Variants in LYPLAL1 observed in about 807,000 individuals in gnomAD.
LYPLAL1 encodes lysophospholipase-like protein 1.
Under a neutral mutation model 19.7 loss-of-function variants are expected in LYPLAL1, and 23 were observed. The ratio of observed to expected loss-of-function variants is 1.17; its 90% CI spans 0.84 to 1.65. LYPLAL1 has a LOEUF of 1.65. LYPLAL1 is among the 40% of genes most tolerant of loss of function. LYPLAL1 has a pLI of 0.00. For missense variants in LYPLAL1, 355 were observed against 279.4 expected, an observed-to-expected ratio of 1.27 and a Z score of -1.93; for synonymous variants, 119 against 96.3, an observed-to-expected ratio of 1.24 and a Z score of -1.38.
At chr1:219,394,511 C>A in the LYPLAL1 span, among the ~76,000 whole-genome samples, 1 of 152,220 alleles carries the variant, frequency 6.6e-6, no homozygotes, top group African/African-American at 2.4e-5. Flanking sequence ...TAACCCCTGG[C>A]AGCTACCATT....
At chr1:219,350,110 T>C in the LYPLAL1 span, among the ~76,000 whole-genome samples, 1 of 152,288 alleles carries the variant, frequency 6.6e-6, no homozygotes, top group Non-Finnish European at 1.5e-5. Flanking sequence ...TCAAATTAAT[T>C]TGTGTGGATA....
the LYPLAL1 span, among the ~76,000 whole-genome samples, chr1:219,416,110 A>G: frequency 6.6e-6 from 1 of 152,216 alleles, no homozygotes; most frequent in East Asian, 1.9e-4. Context: ...TACTAATAAC[A>G]TGTTATTAAT....
the LYPLAL1 span, among the ~76,000 whole-genome samples, chr1:219,345,552 G>A: frequency 6.6e-6 from 1 of 152,272 alleles, no homozygotes; most frequent in African/African-American, 2.4e-5. Context: ...CATGTGTGCT[G>A]CTGGAAATAC....
chr1:219,338,817 CT>C, the LYPLAL1 span, among the ~76,000 whole-genome samples: 12 of 151,554 alleles, frequency 7.9e-5, no homozygotes, highest in Admixed American at 7.9e-4. Context: ...AAATATTCAT[CT>C]TTTTTTCAAT....
chr1:219,437,768 T>TTATTG, the LYPLAL1 span, among the ~76,000 whole-genome samples: 1 of 150,996 alleles, frequency 6.6e-6, no homozygotes, highest in South Asian at 2.1e-4. Context: ...TTATTTTATT[T>TTATTG]TATTTTATTT....
chr1:219,238,508 A>G, the LYPLAL1 span, among the ~76,000 whole-genome samples: 2 of 151,704 alleles, frequency 1.3e-5, no homozygotes, highest in African/African-American at 4.8e-5. Flanking sequence ...TCAGAGTACT[A>G]TTTTATTTGC....
At chr1:219,279,097 T>A in the LYPLAL1 span, among the ~76,000 whole-genome samples, 2 of 152,126 alleles carry the variant, frequency 1.3e-5, no homozygotes, top group African/African-American at 2.4e-5. Context: ...CTTTTCCCAA[T>A]GCAGTCTGGA....
chr1:219,315,954 A>G, the LYPLAL1 span, among the ~76,000 whole-genome samples: 1 of 152,210 alleles, frequency 6.6e-6, no homozygotes, highest in South Asian at 2.1e-4. Context: ...CATTATAATT[A>G]AATGGAAAAA....
chr1:219,389,816 C>T, the LYPLAL1 span, among the ~76,000 whole-genome samples: 5 of 151,886 alleles, frequency 3.3e-5, 1 homozygote, highest in Non-Finnish European at 7.4e-5. Flanking sequence ...TTGTGCCAAC[C>T]TAATATATAA....
At chr1:219,181,404 A>G (rs1163483523) in intron 2 of LYPLAL1, among the ~76,000 whole-genome samples, 1 of 152,206 alleles carries the variant, frequency 6.6e-6, no homozygotes, top group Non-Finnish European at 1.5e-5. Flanking sequence ...ATTGGGAGCC[A>G]CTGTTCTAGA....
At chr1:219,444,887 T>C in the LYPLAL1 span, among the ~76,000 whole-genome samples, 1 of 152,182 alleles carries the variant, frequency 6.6e-6, no homozygotes, top group African/African-American at 2.4e-5. Flanking sequence ...TATTTTTTTT[T>C]AAACTGGTTT....
chr1:219,230,410 C>G, the LYPLAL1 span, among the ~76,000 whole-genome samples: 1 of 152,088 alleles, frequency 6.6e-6, no homozygotes, highest in East Asian at 1.9e-4. Context: ...CGCACCCGGC[C>G]GTAGGTTTAT....
chr1:219,411,316 A>G, the LYPLAL1 span, among the ~76,000 whole-genome samples: 10 of 151,196 alleles, frequency 6.6e-5, no homozygotes, highest in African/African-American at 2.4e-4. Context: ...ATCTAGCTCA[A>G]GGTTTGTAAA....
At chr1:219,438,480 A>G in the LYPLAL1 span, among the ~76,000 whole-genome samples, 1 of 152,234 alleles carries the variant, frequency 6.6e-6, no homozygotes, top group Non-Finnish European at 1.5e-5. Context: ...CTTATTGAAC[A>G]TGCAAATAAC....
chr1:219,178,046 C>T (rs1334709131), intron 1 of LYPLAL1, among the ~76,000 whole-genome samples: 1 of 152,204 alleles, frequency 6.6e-6, no homozygotes. Context: ...ATCCTGTAGA[C>T]TTTAGTTCAA....
the LYPLAL1 span, among the ~76,000 whole-genome samples, chr1:219,321,089 C>A: frequency 6.6e-6 from 1 of 152,198 alleles, no homozygotes; most frequent in Admixed American, 6.5e-5. Context: ...TCTCCACATC[C>A]TCTCCAGCAC....
chr1:219,306,906 C>T, the LYPLAL1 span, among the ~76,000 whole-genome samples: 2 of 151,308 alleles, frequency 1.3e-5, no homozygotes, highest in African/African-American at 4.9e-5. Context: ...TCCTATTGGT[C>T]CTGTTTCTCC....
the LYPLAL1 span, among the ~76,000 whole-genome samples, chr1:219,413,937 G>A: frequency 2.6e-5 from 4 of 152,228 alleles, no homozygotes; most frequent in East Asian, 7.7e-4. Context: ...CTGTAAAAAC[G>A]GTAAAGACTT....
the LYPLAL1 span, among the ~76,000 whole-genome samples, chr1:219,343,836 C>G: frequency 1.3e-5 from 2 of 151,058 alleles, no homozygotes; most frequent in Admixed American, 1.3e-4. Flanking sequence ...TGGACTTTGC[C>G]TTCGCATATC....
Sources: gnomAD v4.1 joint callset for allele counts (sites outside exome capture counted in the v4.1 genomes callset) on GRCh38, gnomAD v4.1.1 for gene constraint, MANE v1.5 for transcripts, NCBI Gene and HGNC (gene_info 2026-07-23, HGNC 2026-07-21) for gene names.